The following STXBP3 variants were observed in gnomAD, a reference collection of about 807,000 sequenced individuals.
STXBP3 encodes syntaxin-binding protein 3.
STXBP3 carries 41 observed loss-of-function variants against 85.7 expected under a neutral mutation model. That is an observed-to-expected ratio of 0.48 (90% CI 0.37 to 0.62). STXBP3 has a LOEUF of 0.62. Among genes scored for constraint, STXBP3 ranks in the 20% least tolerant of loss-of-function variants. STXBP3 has a pLI of 0.00. For missense variants in STXBP3, 563 were observed against 703.1 expected (o/e 0.80, Z 2.25); for synonymous variants, 229 against 231.7 (o/e 0.99, Z 0.10).
At chr1:108,753,549 A>G (rs139577790) in intron 3 of STXBP3, among the ~76,000 whole-genome samples, 137 of 152,282 alleles carry the variant, frequency 9.0e-4, no homozygotes, top group African/African-American at 3.2e-3. Flanking sequence ...TTACAAATGC[A>G]TAATGCTGAC....
intron 11 of STXBP3, among the ~76,000 whole-genome samples, chr1:108,786,645 GTCTA>G (rs1662836361): frequency 6.6e-6 from 1 of 152,176 alleles, no homozygotes; most frequent in African/African-American, 2.4e-5. Flanking sequence ...TGGTCAATTT[GTCTA>G]TCCTTGTAAC....
intron 6 of STXBP3, among the ~76,000 whole-genome samples, chr1:108,763,470 A>G (rs1193555667): frequency 1.3e-5 from 2 of 152,216 alleles, no homozygotes; most frequent in Non-Finnish European, 2.9e-5. Context: ...TATTTATGAA[A>G]TGATGATATA....
chr1:108,768,078 A>G (rs1378981418), intron 6 of STXBP3, among the ~76,000 whole-genome samples: 3 of 152,152 alleles, frequency 2.0e-5, no homozygotes, highest in Non-Finnish European at 2.9e-5. Flanking sequence ...AAAGGGGAGG[A>G]TGTTTGTTGG....
chr1:108,747,034 CT>C (rs1661800228), intron 1 of STXBP3, among the ~76,000 whole-genome samples: 1 of 145,310 alleles, frequency 6.9e-6, no homozygotes, highest in African/African-American at 2.6e-5. Context: ...CTCGGCCGCG[CT>C]CTGGCCGCGA....
chr1:108,802,959 T>C (rs1026749139), intron 17 of STXBP3, among the ~76,000 whole-genome samples: 2 of 152,238 alleles, frequency 1.3e-5, no homozygotes, highest in East Asian at 1.9e-4. Context: ...TATATGAGTA[T>C]AGCAACTTAT....
At chr1:108,773,563 A>T (rs1662518995) in intron 7 of STXBP3, among the ~76,000 whole-genome samples, 1 of 152,200 alleles carries the variant, frequency 6.6e-6, no homozygotes, top group Non-Finnish European at 1.5e-5. Context: ...CAGTTATTCT[A>T]GTTCAGGCTC....
rs572666565 is a variant in STXBP3, at chr1:108,794,889, G to C, written c.1092G>C (p.Lys364Asn). ...ATAAGTTCAAGCTTAATATAGAAAA[G>C]CTCTGCAAAACTGAACAGGTATGTG... The part of the protein sequence containing the change: ...CMNKFKLNIE[K>N]LCKTEQDLAL... The change falls in exon 13 of 19, where the codon AAG becomes AAC. Residue 364 changes from lysine to asparagine, a missense_variant. This residue lies in a region of STXBP3 where 494 missense variants were observed against 592.8 expected (regional missense o/e 0.83). Coordinates refer to ENST00000370008, the MANE Select transcript of STXBP3 (RefSeq NM_007269.4). 3.1e-6 allele frequency: 5 copies of C among 1,607,408 alleles called. No homozygotes were observed. Among genetic ancestry groups the C allele is most frequent in the African/African-American group, 2.7e-5 (2 of 74,924 alleles).
At chr1:108,802,582 G>C (rs570584430) in intron 17 of STXBP3, among the ~76,000 whole-genome samples, 1 of 152,152 alleles carries the variant, frequency 6.6e-6, no homozygotes, top group Non-Finnish European at 1.5e-5. Flanking sequence ...GTGAGGGTTA[G>C]ATGCAGCCCA....
chr1:108,752,354 AAAC>A, intron 2 of STXBP3, 48 bp downstream of exon 2: 1 of 1,545,350 alleles, frequency 6.5e-7, no homozygotes, highest in Non-Finnish European at 8.9e-7. Flanking sequence ...CAAACTTTAA[AAAC>A]AATACAGTAT....
intron 11 of STXBP3, among the ~76,000 whole-genome samples, chr1:108,787,520 G>A (rs1437723259): frequency 6.6e-6 from 1 of 151,872 alleles, no homozygotes; most frequent in African/African-American, 2.4e-5. Flanking sequence ...AAATAAGGTG[G>A]GTTAGACAAG....
Position 108,808,822 on chromosome 1 carries a change from A to G in STXBP3, c.1724A>G (p.Asp575Gly). The G allele has an allele frequency of 6.2e-7, 1 of 1,613,198 alleles. No individual in the cohort carries two copies. The highest frequency in any genetic ancestry group is 1.1e-5 in the South Asian group (1 of 90,740). ...TTAACACCCAAAAAGCTGTTGGATGATATAAAGATGCTGAATAAACCCAAG... is the reference window on the plus strand; with the variant it reads ...TTAACACCCAAAAAGCTGTTGGATGGTATAAAGATGCTGAATAAACCCAAG... ...HVLTPKKLLD[D>G]IKMLNKPKDK... Residue 575 changes from aspartate (D) to glycine (G), a missense_variant, in exon 19 of 19, where the codon GAT becomes GGT. Asp to Gly is a moderately conservative substitution (Grantham distance 94). This residue lies in a region of STXBP3 where 494 missense variants were observed against 592.8 expected (regional missense o/e 0.83). Coordinates refer to ENST00000370008, the MANE Select transcript of STXBP3 (RefSeq NM_007269.4).
intron 4 of STXBP3, among the ~76,000 whole-genome samples, chr1:108,757,852 T>G (rs1408275506): frequency 6.6e-6 from 1 of 152,024 alleles, no homozygotes; most frequent in Non-Finnish European, 1.5e-5. Context: ...ATAGACCATA[T>G]GATGATATCT....
rs376375629 is a variant in STXBP3 at position 108,808,852 on chromosome 1, A to G, written c.1754A>G (p.Lys585Arg). The G allele has an allele frequency of 1.2e-6, 2 of 1,611,330 alleles. No individual in the cohort carries two copies. The highest frequency in any genetic ancestry group is 1.1e-5 in the South Asian group (1 of 90,250). ...DIKMLNKPKDKVSLIKDE is the reference protein window; with the variant it reads ...DIKMLNKPKDRVSLIKDE ...AAGATGCTGAATAAACCCAAGGATA[A>G]AGTCTCCTTAATTAAAGATGAATAG... Residue 585 changes from lysine (K) to arginine (R), a missense_variant, in exon 19 of 19, where the codon AAA becomes AGA. Lys to Arg is a conservative substitution (Grantham distance 26, BLOSUM62 2). Coordinates refer to ENST00000370008, the MANE Select transcript of STXBP3 (RefSeq NM_007269.4).
At chr1:108,794,359 C>A (rs1663044557) in intron 12 of STXBP3, among the ~76,000 whole-genome samples, 1 of 152,190 alleles carries the variant, frequency 6.6e-6, no homozygotes, top group African/African-American at 2.4e-5. Flanking sequence ...ACTCACAGAT[C>A]TACATGGCTG....
intron 6 of STXBP3, among the ~76,000 whole-genome samples, chr1:108,769,391 CTTG>C (rs1468871813): frequency 2.0e-5 from 3 of 152,158 alleles, no homozygotes; most frequent in South Asian, 2.1e-4. Flanking sequence ...ACTTCAAGCC[CTTG>C]TTGTTCAAGG....
chr1:108,771,512 A>ATCT (rs1491127007), intron 6 of STXBP3, among the ~76,000 whole-genome samples: 1 of 87,738 alleles, frequency 1.1e-5, no homozygotes, highest in African/African-American at 5.1e-5. Flanking sequence ...TATGATATAT[A>ATCT]AATATATATG....
intron 17 of STXBP3, among the ~76,000 whole-genome samples, chr1:108,801,050 G>C (rs1663223715): frequency 6.6e-6 from 1 of 152,024 alleles, no homozygotes; most frequent in Non-Finnish European, 1.5e-5. Context: ...GTTTGACATT[G>C]TCCTGTGAGT....
intron 18 of STXBP3, among the ~76,000 whole-genome samples, chr1:108,807,823 C>T (rs1322922499): frequency 2.6e-5 from 4 of 152,084 alleles, no homozygotes; most frequent in East Asian, 1.9e-4. Context: ...GTGATCCGCC[C>T]GCCTCGGCCT....
chr1:108,794,748 C>G, intron 12 of STXBP3, 79 bp from the exon 13 acceptor site: 1 of 1,248,366 alleles, frequency 8.0e-7, no homozygotes, highest in Non-Finnish European at 1.1e-6. Flanking sequence ...TCTTTCAGGC[C>G]TGTCTCAAAA....
Sources: allele counts gnomAD v4.1 joint callset (sites outside exome capture counted in the v4.1 genomes callset), GRCh38; gene constraint gnomAD v4.1.1; regional missense constraint gnomAD v4.1.1; transcripts MANE v1.5; gene names NCBI Gene and HGNC (gene_info 2026-07-23, HGNC 2026-07-21).